Variants in NME7 observed in about 807,000 individuals in gnomAD.
The protein encoded by NME7 is NME/NM23 family member 7, also known as nucleoside diphosphate kinase 7.
Under a neutral mutation model 49.1 loss-of-function variants are expected in NME7, and 41 were observed. That is an observed-to-expected ratio of 0.83 (90% CI 0.65 to 1.08). The LOEUF (loss-of-function observed/expected upper bound fraction) is 1.08, where lower values mean the gene tolerates loss of function less well. Among genes scored for constraint, NME7 ranks in the 50% least tolerant of loss-of-function variants. NME7 has a pLI of 0.00. For missense variants in NME7, 423 were observed against 463.4 expected, an observed-to-expected ratio of 0.91 and a Z score of 0.80; for synonymous variants, 139 against 150.6, an observed-to-expected ratio of 0.92 and a Z score of 0.56.
At chr1:169,158,204 T>G (rs1339124532) in intron 11 of NME7, among the ~76,000 whole-genome samples, 2 of 152,212 alleles carry the variant, frequency 1.3e-5, no homozygotes, top group Non-Finnish European at 2.9e-5. Context: ...TGCCTGAAAC[T>G]GTGGATAGTA....
intron 7 of NME7, among the ~76,000 whole-genome samples, chr1:169,256,357 G>A (rs1173954918): frequency 1.5e-5 from 2 of 133,570 alleles, no homozygotes; most frequent in South Asian, 2.3e-4. Context: ...TGATCGCATC[G>A]ACTCCTGAGG....
rs760753717 is a variant in NME7 at position 169,235,241 on chromosome 1, A to G, written c.820-42T>C. 5.2e-5 allele frequency: 55 copies of G among 1,061,110 alleles called. No homozygotes were observed. The East Asian group carries it at 1.4e-3, about 28-fold the overall frequency. The allele number at this position is 1,061,110 out of a possible 1,614,324, so 65.7% of individuals were successfully genotyped here. A position where few individuals can be genotyped will look rare whatever the true frequency, so the allele number is the denominator to read the frequency against. ...AACAAAACAAAACCATAAACCAACC[A>G]ACAAAAGGGAAATAAATAAGCCACA... On this transcript the variant is annotated intron_variant, in intron 8 of 11. Coordinates refer to ENST00000367811, the MANE Select transcript of NME7 (RefSeq NM_013330.5).
chr1:169,226,503 T>C (rs1029593639), intron 10 of NME7, among the ~76,000 whole-genome samples: 1 of 152,026 alleles, frequency 6.6e-6, no homozygotes, highest in Non-Finnish European at 1.5e-5. Context: ...CCTCAAAACA[T>C]AGCTTGATTG....
chr1:169,137,088 A>C (rs1169127425), intron 11 of NME7, among the ~76,000 whole-genome samples: 2 of 152,230 alleles, frequency 1.3e-5, no homozygotes, highest in Admixed American at 6.5e-5. Context: ...ATTGAAGTGC[A>C]ATTTTGTTAG....
intron 6 of NME7, among the ~76,000 whole-genome samples, chr1:169,293,577 T>C (rs576675853): frequency 6.6e-6 from 1 of 152,262 alleles, no homozygotes; most frequent in Middle Eastern, 3.4e-3. Flanking sequence ...ACCACAGTTT[T>C]TCCTACTAAA....
In NME7 at chr1:169,260,726, C is replaced by T. The variant is rs189540671; in HGVS notation, c.755-23039G>A. On this transcript the variant is annotated intron_variant, in intron 7 of 11. Coordinates refer to ENST00000367811, the MANE Select transcript of NME7 (RefSeq NM_013330.5). ...ACATAGAAAACCAGTACTAGAGGAT[C>T]CTCCAAAGCAGAGGAGTGGGCACAT... is the stretch of plus-strand genomic sequence containing the variant. Among the ~76,000 whole-genome samples the T allele has an allele frequency of 4.5e-5, 6 of 133,834 alleles. 1 individual carries two copies. The highest frequency in any genetic ancestry group is 4.4e-4 in the Admixed American group (6 of 13,674). The allele number at this position is 133,834 out of a possible 152,430, so 87.8% of individuals were successfully genotyped here. A position where few individuals can be genotyped will look rare whatever the true frequency, so the allele number is the denominator to read the frequency against.
At chr1:169,299,994 G>A (rs781050903) in intron 5 of NME7, among the ~76,000 whole-genome samples, 11 of 152,098 alleles carry the variant, frequency 7.2e-5, no homozygotes, top group African/African-American at 1.2e-4. Flanking sequence ...ACAATCTAAC[G>A]CCCTATTAAT....
chr1:169,209,316 A>T lies in NME7; in HGVS notation c.990+21402T>A, dbSNP rs538378159. 2.0e-5 allele frequency among the ~76,000 whole-genome samples: 3 copies of T among 152,220 alleles called. No individual in the cohort carries two copies. In the South Asian group the frequency reaches 6.2e-4, roughly 32 times the overall value. On this transcript the variant is annotated intron_variant, in intron 10 of 11. Transcript: ENST00000367811. Reference sequence around the variant, plus strand: ...CTGCTTTTGAGAGTAAAAGCTATTTATATGTACGTGATATTTAAATCTCTG... The same window carrying T: ...CTGCTTTTGAGAGTAAAAGCTATTTTTATGTACGTGATATTTAAATCTCTG...
At chr1:169,335,681 TATATATA>T (rs1269785877) in intron 1 of NME7, among the ~76,000 whole-genome samples, 4 of 147,450 alleles carry the variant, frequency 2.7e-5, no homozygotes, top group African/African-American at 7.4e-5. Flanking sequence ...TTAGAAGAAA[TATATATA>T]ATATATATGT....
chr1:169,360,124 A>G (rs1051402174), intron 1 of NME7, among the ~76,000 whole-genome samples: 3 of 152,224 alleles, frequency 2.0e-5, no homozygotes, highest in African/African-American at 7.2e-5. Flanking sequence ...CACAGCAGCA[A>G]ACATAACTCC....
chr1:169,328,253 T>A (rs999246349), intron 1 of NME7, among the ~76,000 whole-genome samples: 2 of 152,192 alleles, frequency 1.3e-5, no homozygotes, highest in Admixed American at 1.3e-4. Flanking sequence ...TGGGCAAGAC[T>A]TAATGTCTCT....
At chr1:169,258,014 T>C (rs1467770146) in intron 7 of NME7, among the ~76,000 whole-genome samples, 1 of 133,166 alleles carries the variant, frequency 7.5e-6, no homozygotes, top group African/African-American at 2.5e-5. Flanking sequence ...GTTCCTTACC[T>C]ATAATTAGTT....
At chr1:169,268,794 G>A (rs1649396602) in intron 7 of NME7, among the ~76,000 whole-genome samples, 1 of 132,418 alleles carries the variant, frequency 7.6e-6, no homozygotes, top group Non-Finnish European at 1.8e-5. Flanking sequence ...TAAGGGTGGA[G>A]GATTGGAGAA....
intron 10 of NME7, among the ~76,000 whole-genome samples, chr1:169,180,212 G>C (rs1196700759): frequency 2.0e-5 from 3 of 152,174 alleles, no homozygotes; most frequent in Non-Finnish European, 4.4e-5. Flanking sequence ...ATGTCTAATG[G>C]TGTCTGGCCA....
Position 169,324,384 on chromosome 1 carries a change from C to T in NME7, c.111+9G>A, listed in dbSNP as rs765757776. 15 of 1,573,444 alleles carry T rather than the reference C, an allele frequency of 9.5e-6. No individual in the cohort carries two copies. Among genetic ancestry groups the T allele is most frequent in the Non-Finnish European group, 1.2e-5 (14 of 1,144,096 alleles). ...TTGCCAACATTCAAGCAAAGAAAGG[C>T]TTATTTACCATTTCAACAGATCCAT... On this transcript the variant is annotated intron_variant, in intron 2 of 11. Transcript: ENST00000367811.
intron 1 of NME7, among the ~76,000 whole-genome samples, chr1:169,342,820 A>ATATATATATACAAGTACATATATATATAG (rs1557831606): frequency 4.1e-5 from 3 of 72,706 alleles, no homozygotes; most frequent in African/African-American, 1.4e-4. Context: ...TATATATAGT[A>ATATATATATACAAGTACATATATATATAG]TATATATATA....
intron 7 of NME7, among the ~76,000 whole-genome samples, chr1:169,278,930 G>A (rs1374479095): frequency 2.6e-5 from 4 of 152,184 alleles, no homozygotes; most frequent in Admixed American, 2.6e-4. Flanking sequence ...CAGGTCTGTT[G>A]GAGTTTGCTA....
chr1:169,249,040 T>A (rs1648445719), intron 7 of NME7, among the ~76,000 whole-genome samples: 1 of 152,174 alleles, frequency 6.6e-6, no homozygotes, highest in African/African-American at 2.4e-5. Context: ...GGTATTTTGA[T>A]AGGAATTGCA....
chr1:169,141,532 C>T (rs1658594595), intron 11 of NME7, among the ~76,000 whole-genome samples: 5 of 152,044 alleles, frequency 3.3e-5, no homozygotes, highest in South Asian at 2.1e-4. Flanking sequence ...CTGCTGTCTA[C>T]GAGGCCATCA....
Sources: gnomAD v4.1 joint callset for allele counts (sites outside exome capture counted in the v4.1 genomes callset) on GRCh38, gnomAD v4.1.1 for gene constraint, MANE v1.5 for transcripts, NCBI Gene and HGNC (gene_info 2026-07-23, HGNC 2026-07-21) for gene names.